SPRED1: variants seen among roughly 807,000 people sequenced by gnomAD.
The protein encoded by SPRED1 is sprouty-related, EVH1 domain-containing protein 1.
A neutral mutation model predicts 52.3 loss-of-function variants in SPRED1; 18 were observed. The ratio of observed to expected loss-of-function variants is 0.34; its 90% CI spans 0.24 to 0.51. The LOEUF is 0.51. Among genes scored for constraint, SPRED1 ranks in the 20% least tolerant of loss-of-function variants. The pLI, the probability that SPRED1 is intolerant of heterozygous loss-of-function variation, is 0.97. For synonymous variants in SPRED1, 155 were observed against 179.7 expected, an observed-to-expected ratio of 0.86 and a Z score of 1.10; for missense variants, 485 against 551.0, an observed-to-expected ratio of 0.88 and a Z score of 1.20.
chr15:38,291,288 G>T (rs1453026618), intron 1 of SPRED1, among the ~76,000 whole-genome samples: 1 of 152,212 alleles, frequency 6.6e-6, no homozygotes, highest in Non-Finnish European at 1.5e-5. Flanking sequence ...CTCTGCCCAT[G>T]TGGTTTTGTA....
chr15:38,253,112 C>T lies in SPRED1; in HGVS notation c.-74C>T. 1.4e-6 allele frequency: 2 copies of T among 1,401,696 alleles called. No homozygotes were observed. Among genetic ancestry groups the T allele is most frequent in the South Asian group, 1.2e-5 (1 of 81,198 alleles). The allele number at this position is 1,401,696 out of a possible 1,614,324, so 86.8% of individuals were successfully genotyped here. ...CCCCCCCGGCCGCCGCTGCCTCCTG[C>T]CCCTCGGTGCTGCTGTTGCTCCCCC... On this transcript the variant is annotated 5_prime_UTR_variant, in exon 1 of 7. Coordinates refer to ENST00000299084, the MANE Select transcript of SPRED1 (RefSeq NM_152594.3).
At chr15:38,322,001 G>A (rs957744615) in intron 2 of SPRED1, among the ~76,000 whole-genome samples, 5 of 152,118 alleles carry the variant, frequency 3.3e-5, no homozygotes, top group African/African-American at 9.7e-5. Flanking sequence ...CAATGGGAGT[G>A]TATATATGTG....
At chr15:38,310,314 A>G (rs143848046) in intron 2 of SPRED1, among the ~76,000 whole-genome samples, 281 of 152,066 alleles carry the variant, frequency 1.8e-3, no homozygotes, top group Non-Finnish European at 3.2e-3. Context: ...TAATTTTTGT[A>G]TATTTAGTAG....
intron 1 of SPRED1, among the ~76,000 whole-genome samples, chr15:38,273,943 A>C (rs1814818797): frequency 6.6e-6 from 1 of 152,196 alleles, no homozygotes; most frequent in Non-Finnish European, 1.5e-5. Flanking sequence ...ACAGACAAGC[A>C]TGTTTAAATA....
chr15:38,340,406 A>G (rs1896003902), intron 5 of SPRED1, among the ~76,000 whole-genome samples: 1 of 152,208 alleles, frequency 6.6e-6, no homozygotes, highest in African/African-American at 2.4e-5. Flanking sequence ...TGATGTATTC[A>G]TTATACATAT....
rs1888560611 is a variant in SPRED1 at position 38,354,393 on chromosome 15, G to A, written c.*2729G>A. ...GAAAATGGAATCATCTAGACGGCAT[G>A]ACAAGCAAGACTGGTCTGATGAACT... On this transcript the variant is annotated 3_prime_UTR_variant, in exon 7 of 7. Transcript: ENST00000299084. The A allele has an allele frequency of 6.6e-6, 1 of 152,324 alleles. No homozygotes were observed. Among genetic ancestry groups the A allele is most frequent in the South Asian group, 2.1e-4 (1 of 4,832 alleles). 9.4% of individuals were successfully genotyped at this position (152,324 alleles called of 1,614,324 possible). A position where few individuals can be genotyped will look rare whatever the true frequency, so the allele number is the denominator to read the frequency against.
Position 38,321,842 on chromosome 15 carries a change from G to C in SPRED1, c.208-399G>C, listed in dbSNP as rs533353837. On this transcript the variant is annotated intron_variant, in intron 2 of 6. Coordinates refer to ENST00000299084, the MANE Select transcript of SPRED1 (RefSeq NM_152594.3). ...ACTCCTGATTTCAAGTGATCCGCCCGCCTCGGCCTCCCAAAGTGCTGGGAT... is the reference window on the plus strand; with the variant it reads ...ACTCCTGATTTCAAGTGATCCGCCCCCCTCGGCCTCCCAAAGTGCTGGGAT... Among the ~76,000 whole-genome samples, 789 of 152,128 alleles carry C rather than the reference G, an allele frequency of 5.2e-3. 1 individual carries two copies. The highest frequency in any genetic ancestry group is 7.5e-3 in the Admixed American group (114 of 15,268).
At chr15:38,296,007 G>C (rs1355414458) in intron 1 of SPRED1, among the ~76,000 whole-genome samples, 2 of 152,162 alleles carry the variant, frequency 1.3e-5, no homozygotes, top group Non-Finnish European at 2.9e-5. Context: ...AAACTGTGCA[G>C]TGTATGGTTA....
chr15:38,333,834 T>G (rs1158962147), intron 4 of SPRED1, among the ~76,000 whole-genome samples: 3 of 152,132 alleles, frequency 2.0e-5, no homozygotes, highest in Non-Finnish European at 4.4e-5. Flanking sequence ...AGCAAAAAAT[T>G]AGAACTGCCC....
rs1367133408 is a variant in SPRED1, at chr15:38,352,508, A to G, written c.*844A>G. On this transcript the variant is annotated 3_prime_UTR_variant, in exon 7 of 7. Coordinates refer to ENST00000299084, the MANE Select transcript of SPRED1 (RefSeq NM_152594.3). ...ATGGGAACGTAACACTTATTTTTAT[A>G]TAAAAAGAGACTGAGTAAACAAACA... is the stretch of plus-strand genomic sequence containing the variant. The G allele has an allele frequency of 6.6e-6, 1 of 152,540 alleles. No homozygotes were observed. Among genetic ancestry groups the G allele is most frequent in the Non-Finnish European group, 1.5e-5 (1 of 67,976 alleles). 9.4% of individuals were successfully genotyped at this position (152,540 alleles called of 1,614,324 possible).
At chr15:38,308,900 A>G (rs1262891198) in intron 2 of SPRED1, among the ~76,000 whole-genome samples, 1 of 152,126 alleles carries the variant, frequency 6.6e-6, no homozygotes, top group Non-Finnish European at 1.5e-5. Flanking sequence ...GAAACTGCAA[A>G]ACTTTTTTCT....
At chr15:38,275,028 CT>C (rs1310684413) in intron 1 of SPRED1, among the ~76,000 whole-genome samples, 1 of 152,172 alleles carries the variant, frequency 6.6e-6, no homozygotes, top group East Asian at 1.9e-4. Flanking sequence ...AATAAATATC[CT>C]ATTTTCTGTC....
At chr15:38,326,945 A>T (rs1434756572) in intron 4 of SPRED1, among the ~76,000 whole-genome samples, 1 of 152,196 alleles carries the variant, frequency 6.6e-6, no homozygotes, top group Non-Finnish European at 1.5e-5. Context: ...TTGATTTCAG[A>T]ATTATGTGCA....
At chr15:38,284,703 T>C (rs1479802184) in intron 1 of SPRED1, among the ~76,000 whole-genome samples, 2 of 152,092 alleles carry the variant, frequency 1.3e-5, no homozygotes, top group East Asian at 1.9e-4. Flanking sequence ...GGATAGACTT[T>C]TACTTCACTA....
chr15:38,316,755 T>TTTTTTTTTG (rs1895492006), intron 2 of SPRED1, among the ~76,000 whole-genome samples: 1 of 146,752 alleles, frequency 6.8e-6, no homozygotes, highest in Non-Finnish European at 1.5e-5. Flanking sequence ...TATGTTTTTT[T>TTTTTTTTTG]TTTTTTTTTT....
At chr15:38,313,697 TCTTC>T (rs1227748407) in intron 2 of SPRED1, among the ~76,000 whole-genome samples, 3 of 151,582 alleles carry the variant, frequency 2.0e-5, no homozygotes, top group Non-Finnish European at 3.0e-5. Context: ...AAAAAGTAGT[TCTTC>T]CTTTCTGTAG....
At chr15:38,319,312 A>C (rs12442196) in intron 2 of SPRED1, among the ~76,000 whole-genome samples, 13,809 of 152,288 alleles carry the variant, frequency 0.091, 750 homozygotes, top group East Asian at 0.21. Flanking sequence ...TGTAACAAAT[A>C]TTTAATAGTA....
chr15:38,340,446 C>T (rs1280348799), intron 5 of SPRED1, among the ~76,000 whole-genome samples: 3 of 152,146 alleles, frequency 2.0e-5, no homozygotes, highest in African/African-American at 2.4e-5. Context: ...TTCAAGCATA[C>T]ATAAGATTCG....
chr15:38,304,867 T>C (rs1895218242), intron 2 of SPRED1, among the ~76,000 whole-genome samples: 1 of 152,204 alleles, frequency 6.6e-6, no homozygotes, highest in Non-Finnish European at 1.5e-5. Flanking sequence ...CCTTCTGGCT[T>C]CAGTATTTTT....
Sources: gnomAD v4.1 joint callset for allele counts (sites outside exome capture counted in the v4.1 genomes callset) on GRCh38, gnomAD v4.1.1 for gene constraint, MANE v1.5 for transcripts, NCBI Gene and HGNC (gene_info 2026-07-23, HGNC 2026-07-21) for gene names.